The following RBFOX1 variants were observed in gnomAD, a reference collection of about 807,000 sequenced individuals.
RBFOX1 encodes RNA binding protein fox-1 homolog 1.
In RBFOX1, 8 loss-of-function variants were observed where a neutral mutation model predicts 57.7. The ratio of observed to expected loss-of-function variants is 0.14; its 90% CI spans 0.08 to 0.25. RBFOX1 has a LOEUF of 0.25. Among genes scored for constraint, RBFOX1 ranks in the 10% least tolerant of loss-of-function variants. The pLI, the probability that RBFOX1 is intolerant of heterozygous loss-of-function variation, is 1.00. For missense variants in RBFOX1, 611 were observed against 548.5 expected, an observed-to-expected ratio of 1.11 and a Z score of -1.14; for synonymous variants, 326 against 222.4, an observed-to-expected ratio of 1.47 and a Z score of -4.15.
chr16:6,997,441 C>G (rs915118163), intron 3 of RBFOX1, among the ~76,000 whole-genome samples: 1 of 152,138 alleles, frequency 6.6e-6, no homozygotes, highest in Admixed American at 6.5e-5. Flanking sequence ...TCATTTATAT[C>G]CACGAGCATT....
At chr16:7,052,220 T>C (rs1295642528) in intron 4 of RBFOX1, 122 bp downstream of exon 4, 1 of 1,390,032 alleles carries the variant, frequency 7.2e-7, no homozygotes, top group African/African-American at 1.5e-5. Context: ...ACTGGTAGAG[T>C]TGAAAATATT....
chr16:7,114,216 A>G (rs1372434406), intron 4 of RBFOX1, among the ~76,000 whole-genome samples: 5 of 152,190 alleles, frequency 3.3e-5, no homozygotes, highest in African/African-American at 4.8e-5. Context: ...AAGGTTGCAA[A>G]TTACAAAATA....
intron 3 of RBFOX1, among the ~76,000 whole-genome samples, chr16:5,720,075 C>T (rs1043850335): frequency 3.3e-5 from 5 of 152,122 alleles, no homozygotes; most frequent in African/African-American, 1.2e-4. Context: ...TCCTCACCAA[C>T]ACTTGGTATG....
At chr16:6,039,052 G>A (rs2095407311) in intron 1 of RBFOX1, 1 of 142,118 alleles carries the variant, frequency 7.0e-6, no homozygotes, top group Non-Finnish European at 1.5e-5. Flanking sequence ...AATTAAAAAT[G>A]CTGAATCCCG....
chr16:6,124,800 T>C (rs911106467), intron 1 of RBFOX1, among the ~76,000 whole-genome samples: 4 of 152,156 alleles, frequency 2.6e-5, no homozygotes, highest in African/African-American at 9.7e-5. Context: ...AATGGTAGGA[T>C]TACAGGCATG....
intron 4 of RBFOX1, among the ~76,000 whole-genome samples, chr16:7,061,129 C>T (rs1424496513): frequency 2.0e-5 from 3 of 152,158 alleles, no homozygotes; most frequent in Non-Finnish European, 4.4e-5. Context: ...TTGTGATTTT[C>T]TCCAAGCAAA....
At chr16:6,234,115 G>A (rs556887715) in intron 1 of RBFOX1, among the ~76,000 whole-genome samples, 1 of 152,242 alleles carries the variant, frequency 6.6e-6, no homozygotes, top group African/African-American at 2.4e-5. Flanking sequence ...CTCATGAGGG[G>A]AGGAGCCTGT....
intron 1 of RBFOX1, among the ~76,000 whole-genome samples, chr16:6,116,480 C>T (rs1371757236): frequency 6.6e-6 from 1 of 152,288 alleles, no homozygotes; most frequent in East Asian, 1.9e-4. Context: ...TAGGAAGATA[C>T]TACCATGCAT....
intron 5 of RBFOX1, among the ~76,000 whole-genome samples, chr16:7,558,564 C>G (rs1246507351): frequency 2.6e-5 from 4 of 152,036 alleles, no homozygotes; most frequent in South Asian, 2.1e-4. Context: ...ACTATATATG[C>G]TTTAATTATG....
At chr16:7,227,079 C>T (rs2093171466) in intron 4 of RBFOX1, among the ~76,000 whole-genome samples, 1 of 152,086 alleles carries the variant, frequency 6.6e-6, no homozygotes, top group African/African-American at 2.4e-5. Context: ...CTTACCTGGC[C>T]AGTTTCTGTC....
intron 10 of RBFOX1, among the ~76,000 whole-genome samples, chr16:7,615,784 G>A (rs147748633): frequency 5.3e-3 from 804 of 152,242 alleles, no homozygotes; most frequent in Non-Finnish European, 9.1e-3. Flanking sequence ...GGCCAAGGAC[G>A]CTTCAAAACA....
In RBFOX1 at chr16:6,944,400, A is replaced by G. The variant is rs1178562556; in HGVS notation, c.-15-107657A>G. 3.1e-5 allele frequency among the ~76,000 whole-genome samples: 4 copies of G among 127,598 alleles called. No individual in the cohort carries two copies. In the East Asian group the frequency reaches 5.9e-4, roughly 19 times the overall value. 83.7% of individuals were successfully genotyped at this position (127,598 alleles called of 152,430 possible). On this transcript the variant is annotated intron_variant, in intron 3 of 15. Transcript: ENST00000550418. Reference sequence around the variant, plus strand: ...CAGAGCAAGACTCCATCTCAGAGAAAAAAAAAAAAAAAAAAGAAAGAAAAG... The same window carrying G: ...CAGAGCAAGACTCCATCTCAGAGAAGAAAAAAAAAAAAAAAGAAAGAAAAG...
chr16:7,125,651 C>A (rs1418622842), intron 4 of RBFOX1, among the ~76,000 whole-genome samples: 3 of 152,054 alleles, frequency 2.0e-5, no homozygotes, highest in Admixed American at 6.6e-5. Flanking sequence ...ACAGAGGAAG[C>A]TGAGGAACAG....
intron 2 of RBFOX1, among the ~76,000 whole-genome samples, chr16:6,489,036 A>G (rs948761881): frequency 6.6e-6 from 1 of 152,176 alleles, no homozygotes; most frequent in Non-Finnish European, 1.5e-5. Context: ...TGACACTAAA[A>G]TTGTTACAGC....
At chr16:5,770,104 G>T (rs1484322608) in intron 3 of RBFOX1, among the ~76,000 whole-genome samples, 1 of 152,080 alleles carries the variant, frequency 6.6e-6, no homozygotes, top group Non-Finnish European at 1.5e-5. Flanking sequence ...ACGGGTTGTG[G>T]GTGTTTTTGT....
intron 3 of RBFOX1, among the ~76,000 whole-genome samples, chr16:7,002,691 A>G (rs1175021625): frequency 2.0e-5 from 3 of 152,226 alleles, no homozygotes; most frequent in African/African-American, 7.2e-5. Context: ...CAGCCTGGTG[A>G]TAGAGTGAGG....
rs987591110 is a variant in RBFOX1, at chr16:6,564,244, A to G, written c.-63-90359A>G. Among the ~76,000 whole-genome samples the G allele has an allele frequency of 2.0e-5, 3 of 152,340 alleles. No homozygotes were observed. The South Asian group carries it at 6.2e-4, about 32-fold the overall frequency. ...TGGAGTGGTGCAGAAACTCAAGAGC[A>G]TCATGTACATATGGAACATGCTCTA... On this transcript the variant is annotated intron_variant, in intron 2 of 15. Transcript: ENST00000550418.
chr16:6,639,585 T>G (rs946416160), intron 2 of RBFOX1, among the ~76,000 whole-genome samples: 1 of 152,162 alleles, frequency 6.6e-6, no homozygotes, highest in Admixed American at 6.6e-5. Context: ...ATTTAAAGAT[T>G]ACAATTGTGG....
chr16:6,305,427 GTTAA>G (rs1243083801), intron 1 of RBFOX1, among the ~76,000 whole-genome samples: 14 of 151,892 alleles, frequency 9.2e-5, no homozygotes, highest in African/African-American at 7.3e-5. Flanking sequence ...TCTTTTTCCT[GTTAA>G]TTTTTATTAT....
Sources: allele counts gnomAD v4.1 joint callset (sites outside exome capture counted in the v4.1 genomes callset), GRCh38; gene constraint gnomAD v4.1.1; transcripts MANE v1.5; gene names NCBI Gene and HGNC (gene_info 2026-07-23, HGNC 2026-07-21).